The following TTC7B variants were observed in gnomAD, a reference collection of about 807,000 sequenced individuals.
TTC7B encodes the protein tetratricopeptide repeat protein 7B.
TTC7B carries 28 observed loss-of-function variants against 106.8 expected under a neutral mutation model. The observed-to-expected ratio is 0.26, with a 90% CI of 0.19 to 0.36. The LOEUF (loss-of-function observed/expected upper bound fraction) is 0.36, where lower values mean the gene tolerates loss of function less well. Ranked by LOEUF, TTC7B falls within the 10% of genes least tolerant of loss-of-function variation. TTC7B has a pLI of 1.00. For synonymous variants in TTC7B, 405 were observed against 430.6 expected, an observed-to-expected ratio of 0.94 and a Z score of 0.74; for missense variants, 862 against 1,076.4, an observed-to-expected ratio of 0.80 and a Z score of 2.79.
chr14:90,703,198 G>A (rs996216003), intron 5 of TTC7B, among the ~76,000 whole-genome samples: 1 of 152,136 alleles, frequency 6.6e-6, no homozygotes, highest in African/African-American at 2.4e-5. Flanking sequence ...GAACACTGAT[G>A]GGCACAGGCC....
In TTC7B at chr14:90,681,629, C is replaced by T. The variant is rs116374544; in HGVS notation, c.951-1094G>A. On this transcript the variant is annotated intron_variant, in intron 7 of 19. Transcript: ENST00000328459. ...GGTATTCTCGTTACAATGCTGATAC[C>T]GCTGGAGGTAAGGAAGCCACCTGCA... 6.3e-3 allele frequency among the ~76,000 whole-genome samples: 955 copies of T among 152,234 alleles called. 7 individuals carry two copies. Among genetic ancestry groups the T allele is most frequent in the African/African-American group, 0.022 (903 of 41,516 alleles).
intron 19 of TTC7B, among the ~76,000 whole-genome samples, chr14:90,553,748 C>T (rs1297768567): frequency 6.6e-6 from 1 of 152,230 alleles, no homozygotes; most frequent in African/African-American, 2.4e-5. Flanking sequence ...CTCCCGCCCA[C>T]TCTCCCCACC....
intron 1 of TTC7B, among the ~76,000 whole-genome samples, chr14:90,789,618 C>T (rs1480045190): frequency 2.9e-5 from 4 of 138,854 alleles, no homozygotes; most frequent in Admixed American, 2.4e-4. Flanking sequence ...TCAGGTCAGC[C>T]GGGCGCGTGG....
intron 17 of TTC7B, chr14:90,603,239 G>A: frequency 2.3e-6 from 3 of 1,286,198 alleles, no homozygotes; most frequent in Non-Finnish European, 3.0e-6. Context: ...TTAATAGATT[G>A]GTAAACTACT....
At position 90,742,694 on chromosome 14, in the gene TTC7B, A is replaced by G. The variant is rs994348677; in HGVS notation, c.576+2098T>C. On this transcript the variant is annotated intron_variant, in intron 4 of 19. Coordinates refer to ENST00000328459, the MANE Select transcript of TTC7B (RefSeq NM_001010854.2). The surrounding 1 kb of genome is among the most constrained non-coding windows in gnomAD (Gnocchi z 4.1). ...CAAAATCCAACATCTTATGATCACC[A>G]TTTCCCCAAAATCAAAGAAAAGGAT... Among the ~76,000 whole-genome samples the G allele has an allele frequency of 2.0e-5, 3 of 152,108 alleles. No individual in the cohort carries two copies. Among genetic ancestry groups the G allele is most frequent in the Non-Finnish European group, 4.4e-5 (3 of 68,008 alleles).
intron 13 of TTC7B, chr14:90,648,331 T>C (rs1035642461): frequency 2.0e-5 from 3 of 152,240 alleles, no homozygotes; most frequent in South Asian, 4.1e-4. Context: ...GTTACCCTTT[T>C]ACATGTCTTA....
At chr14:90,565,399 CTT>C (rs35307541) in intron 19 of TTC7B, among the ~76,000 whole-genome samples, 39 of 107,580 alleles carry the variant, frequency 3.6e-4, no homozygotes, top group African/African-American at 1.0e-3. Context: ...TCCTTTCTAG[CTT>C]TTTTTTTTTT....
intron 19 of TTC7B, 130 bp from the exon 20 acceptor site, chr14:90,541,719 G>C (rs1889601417): frequency 1.5e-6 from 1 of 649,448 alleles, no homozygotes; most frequent in Non-Finnish European, 2.4e-6. Context: ...TGGGCCCATA[G>C]TAAGTTCTCC....
chr14:90,660,417 A>AAAAAAAAAAG (rs1555386791), intron 9 of TTC7B, among the ~76,000 whole-genome samples: 31 of 119,402 alleles, frequency 2.6e-4, no homozygotes, highest in African/African-American at 1.1e-3. Context: ...AAAAAAAAAA[A>AAAAAAAAAAG]AAAAGAAAAG....
At chr14:90,605,398 G>C (rs899269027) in intron 17 of TTC7B, among the ~76,000 whole-genome samples, 3 of 152,198 alleles carry the variant, frequency 2.0e-5, no homozygotes, top group African/African-American at 7.2e-5. Context: ...TTGCAAAGAG[G>C]AAGTTGAGGC....
At chr14:90,812,390 C>T (rs2030944360) in intron 1 of TTC7B, among the ~76,000 whole-genome samples, 1 of 152,212 alleles carries the variant, frequency 6.6e-6, no homozygotes, top group Non-Finnish European at 1.5e-5. Context: ...TGATGTGCAG[C>T]TCTGTCTTTA....
chr14:90,749,884 C>T (rs1386436901), intron 3 of TTC7B, among the ~76,000 whole-genome samples: 1 of 152,198 alleles, frequency 6.6e-6, no homozygotes, highest in Non-Finnish European at 1.5e-5. Flanking sequence ...TTACCATCCA[C>T]GTCTTTACTA....
rs767441345 is a variant in TTC7B, at chr14:90,657,152, G to A, written c.1341+22C>T. 1.9e-6 allele frequency: 3 copies of A among 1,601,936 alleles called. No individual in the cohort carries two copies. The highest frequency in any genetic ancestry group is 2.6e-6 in the Non-Finnish European group (3 of 1,169,684). ...GGCCCAGAGTCCTCTGCAGGAGCGG[G>A]GAGGGGGGCGCCCCTACTCACCCAG... On this transcript the variant is annotated intron_variant, in intron 11 of 19. Transcript: ENST00000328459. The surrounding 1 kb of genome is among the most constrained non-coding windows in gnomAD (Gnocchi z 4.2).
chr14:90,722,297 G>A (rs1323648970), intron 5 of TTC7B, among the ~76,000 whole-genome samples: 1 of 152,010 alleles, frequency 6.6e-6, no homozygotes, highest in East Asian at 1.9e-4. Context: ...TCCTAGTATG[G>A]TTCCTGCTGA....
At chr14:90,684,864 A>G (rs1214653255) in intron 7 of TTC7B, among the ~76,000 whole-genome samples, 2 of 152,170 alleles carry the variant, frequency 1.3e-5, no homozygotes, top group East Asian at 3.8e-4. Flanking sequence ...TTCTCTATGT[A>G]TGGTGTGTAT....
At position 90,668,110 on chromosome 14, in the gene TTC7B, A is replaced by T. The variant is rs558754860; in HGVS notation, c.1152+8413T>A. Among the ~76,000 whole-genome samples, 677 of 109,418 alleles carry T rather than the reference A, an allele frequency of 6.2e-3. 5 individuals are homozygous for T. Among genetic ancestry groups the T allele is most frequent in the African/African-American group, 0.022 (624 of 28,806 alleles). The allele number at this position is 109,418 out of a possible 152,430, so 71.8% of individuals were successfully genotyped here. A position where few individuals can be genotyped will look rare whatever the true frequency, so the allele number is the denominator to read the frequency against. The stretch of plus-strand genomic sequence containing the variant: ...TATTACCTGCTCAAAATAGATAATA[A>T]GACCAACCAAAAAAAAAAAAAAAAT... On this transcript the variant is annotated intron_variant, in intron 9 of 19. Coordinates refer to ENST00000328459, the MANE Select transcript of TTC7B (RefSeq NM_001010854.2).
At chr14:90,568,321 T>G (rs1250796450) in intron 19 of TTC7B, among the ~76,000 whole-genome samples, 2 of 151,900 alleles carry the variant, frequency 1.3e-5, no homozygotes, top group African/African-American at 4.8e-5. Flanking sequence ...AGGAAGGAGG[T>G]GGAACCTCAA....
At chr14:90,741,279 A>G (rs1364257527) in intron 4 of TTC7B, among the ~76,000 whole-genome samples, 1 of 152,176 alleles carries the variant, frequency 6.6e-6, no homozygotes, top group Non-Finnish European at 1.5e-5. Context: ...AAACTCAGAG[A>G]ACGGCACTCC....
At chr14:90,622,505 G>C (rs1424466190) in intron 15 of TTC7B, among the ~76,000 whole-genome samples, 1 of 151,356 alleles carries the variant, frequency 6.6e-6, no homozygotes, top group Non-Finnish European at 1.5e-5. Flanking sequence ...GAGGTGGGTA[G>C]ATCGCTTGAG....
Sources: allele counts gnomAD v4.1 joint callset (sites outside exome capture counted in the v4.1 genomes callset), GRCh38; gene constraint gnomAD v4.1.1; non-coding constraint Gnocchi (gnomAD v3.1); transcripts MANE v1.5; gene names NCBI Gene and HGNC (gene_info 2026-07-23, HGNC 2026-07-21).